KLRG1: variants seen among roughly 807,000 people sequenced by gnomAD.
The protein encoded by KLRG1 is killer cell lectin like receptor G1.
In KLRG1, 16 loss-of-function variants were observed where a neutral mutation model predicts 21.8. The observed-to-expected ratio is 0.73, with a 90% CI of 0.50 to 1.11. The LOEUF (loss-of-function observed/expected upper bound fraction) is 1.11, where lower values mean the gene tolerates loss of function less well. Ranked by LOEUF, KLRG1 falls within the 50% of genes most tolerant of loss-of-function variation. The pLI is 0.00. For missense variants in KLRG1, 173 were observed against 218.3 expected (o/e 0.79, Z 1.31); for synonymous variants, 69 against 75.9 (o/e 0.91, Z 0.47).
chr12:8,953,640 T>C (rs1159774182), intron 1 of KLRG1, among the ~76,000 whole-genome samples: 2 of 152,208 alleles, frequency 1.3e-5, no homozygotes, highest in Non-Finnish European at 2.9e-5. Flanking sequence ...TATATTTAAG[T>C]TTGCATTTTT....
At chr12:9,194,231 A>G in the KLRG1 span, 3 of 1,613,840 alleles carry the variant, frequency 1.9e-6, no homozygotes, top group African/African-American at 1.3e-5. Context: ...TCCATCCACC[A>G]GAAGCACCTA....
chr12:9,111,366 G>A, the KLRG1 span: 27 of 305,768 alleles, frequency 8.8e-5, no homozygotes, highest in Admixed American at 5.0e-4. Context: ...AAGTTAGGCT[G>A]ACAGAGTGAT....
intron 3 of KLRG1, among the ~76,000 whole-genome samples, chr12:9,006,937 G>C (rs1947490109): frequency 6.6e-6 from 1 of 152,170 alleles, no homozygotes; most frequent in South Asian, 2.1e-4. Context: ...ATGATACTGG[G>C]AATGAACGCA....
At chr12:8,979,146 C>T (rs1946713714) in intron 1 of KLRG1, among the ~76,000 whole-genome samples, 1 of 151,846 alleles carries the variant, frequency 6.6e-6, no homozygotes. Flanking sequence ...TCCTGAGTAG[C>T]TGGGATTACA....
the KLRG1 span, among the ~76,000 whole-genome samples, chr12:9,165,835 T>C: frequency 6.6e-6 from 1 of 152,226 alleles, no homozygotes; most frequent in Non-Finnish European, 1.5e-5. Flanking sequence ...GTCTACTATT[T>C]GACAGTATCA....
the KLRG1 span, chr12:9,181,908 G>A: frequency 7.2e-6 from 11 of 1,528,112 alleles, no homozygotes; most frequent in Non-Finnish European, 8.0e-6. Flanking sequence ...TTTTCTCTGG[G>A]GTAAAATAGA....
intron 1 of KLRG1, among the ~76,000 whole-genome samples, chr12:8,959,748 G>A (rs924546273): frequency 1.3e-5 from 2 of 152,004 alleles, no homozygotes; most frequent in African/African-American, 4.8e-5. Flanking sequence ...GAGGACTTAC[G>A]TGTCTTTCGT....
intron 1 of KLRG1, chr12:8,970,416 A>G (rs1946547439): frequency 6.6e-6 from 1 of 152,210 alleles, no homozygotes; most frequent in African/African-American, 2.4e-5. Flanking sequence ...CTAACTACCA[A>G]AGTCACTCAA....
At chr12:9,102,739 C>A in the KLRG1 span, among the ~76,000 whole-genome samples, 1 of 152,092 alleles carries the variant, frequency 6.6e-6, no homozygotes, top group Non-Finnish European at 1.5e-5. Flanking sequence ...ATATGATCAC[C>A]CCAAACAGGG....
the KLRG1 span, among the ~76,000 whole-genome samples, chr12:9,030,084 G>A: frequency 6.6e-6 from 1 of 152,012 alleles, no homozygotes; most frequent in African/African-American, 2.4e-5. Context: ...TTATTATTTG[G>A]TTTCACATTT....
At chr12:9,209,196 C>T in the KLRG1 span, among the ~76,000 whole-genome samples, 1 of 152,058 alleles carries the variant, frequency 6.6e-6, no homozygotes, top group African/African-American at 2.4e-5. Context: ...GATTTAATGC[C>T]ATCCTTAGAC....
chr12:9,027,063 G>C, the KLRG1 span, among the ~76,000 whole-genome samples: 1 of 150,760 alleles, frequency 6.6e-6, no homozygotes, highest in Non-Finnish European at 1.5e-5. Context: ...ATATTACAAT[G>C]TACAACATGT....
chr12:9,197,622 A>G, the KLRG1 span, among the ~76,000 whole-genome samples: 2 of 81,846 alleles, frequency 2.4e-5, no homozygotes, highest in Non-Finnish European at 4.3e-5. Flanking sequence ...ATATATTTAT[A>G]TATTATATTA....
At chr12:9,181,169 C>T in the KLRG1 span, 1 of 1,613,360 alleles carries the variant, frequency 6.2e-7, no homozygotes, top group Admixed American at 1.7e-5. Context: ...CAGTGTTTTC[C>T]CTACTTCTGT....
chr12:9,107,489 T>C, the KLRG1 span: 2 of 1,610,906 alleles, frequency 1.2e-6, no homozygotes, highest in Non-Finnish European at 1.7e-6. Context: ...AATGCCTTTA[T>C]CGCTATTCTC....
At chr12:9,169,886 G>C in the KLRG1 span, 3 of 213,410 alleles carry the variant, frequency 1.4e-5, no homozygotes, top group African/African-American at 2.3e-5. Flanking sequence ...ATAGAAAGAA[G>C]ACGTAACTTG....
chr12:9,110,323 T>C, the KLRG1 span: 1 of 1,454,264 alleles, frequency 6.9e-7, no homozygotes, highest in African/African-American at 1.4e-5. Context: ...CCTGAATGTA[T>C]ACTAGTGGAA....
At chr12:9,048,093 A>G in the KLRG1 span, among the ~76,000 whole-genome samples, 1 of 152,224 alleles carries the variant, frequency 6.6e-6, no homozygotes, top group South Asian at 2.1e-4. Flanking sequence ...CACATGGAAC[A>G]TTCTTAAAGA....
chr12:9,082,831 C>G, the KLRG1 span, among the ~76,000 whole-genome samples: 59,986 of 152,072 alleles, frequency 0.39, 12,893 homozygotes, highest in African/African-American at 0.55. Flanking sequence ...CACCAACAAA[C>G]TGAGAAGTTT....
Sources: gnomAD v4.1 joint callset for allele counts (sites outside exome capture counted in the v4.1 genomes callset) on GRCh38, gnomAD v4.1.1 for gene constraint, MANE v1.5 for transcripts, NCBI Gene and HGNC (gene_info 2026-07-23, HGNC 2026-07-21) for gene names.